The following GOLT1A variants were observed in gnomAD, a reference collection of about 807,000 sequenced individuals.
GOLT1A encodes the protein vesicle transport protein GOT1A.
GOLT1A carries 10 observed loss-of-function variants against 16.1 expected under a neutral mutation model. The ratio of observed to expected loss-of-function variants is 0.62; its 90% CI spans 0.38 to 1.05. The LOEUF (loss-of-function observed/expected upper bound fraction) is 1.05. GOLT1A is among the 50% of genes least tolerant of loss of function. The pLI, the probability that GOLT1A is intolerant of heterozygous loss-of-function variation, is 0.01. For synonymous variants in GOLT1A, 60 were observed against 67.9 expected, an observed-to-expected ratio of 0.88 and a Z score of 0.57; for missense variants, 137 against 165.7, an observed-to-expected ratio of 0.83 and a Z score of 0.95.
At chr1:204,199,126 G>C in intron 4 of GOLT1A, 69 bp downstream of exon 4, 8 of 1,367,652 alleles carry the variant, frequency 5.8e-6, no homozygotes, top group Non-Finnish European at 8.2e-6. Context: ...AGTTTTACCA[G>C]CTCCCCTCCG....
At chr1:204,213,316 T>C (rs562247476) in intron 1 of GOLT1A, among the ~76,000 whole-genome samples, 28 of 152,338 alleles carry the variant, frequency 1.8e-4, no homozygotes, top group African/African-American at 5.1e-4. Context: ...AATTCTCAGA[T>C]GAAAAACCAA....
chr1:204,210,396 C>T (rs549534013), intron 1 of GOLT1A, among the ~76,000 whole-genome samples: 101 of 152,280 alleles, frequency 6.6e-4, no homozygotes, highest in Middle Eastern at 6.8e-3. Context: ...ATTCTATTTC[C>T]ACATGTATTC....
intron 1 of GOLT1A, 59 bp downstream of exon 1, chr1:204,213,823 G>C (rs1446855467): frequency 1.3e-6 from 2 of 1,587,782 alleles, no homozygotes; most frequent in Admixed American, 3.4e-5. Context: ...GGGAGAGAGA[G>C]CCAGCCGGCA....
Position 204,198,426 on chromosome 1 carries a change from T to C in GOLT1A, c.*32A>G, listed in dbSNP as rs1658897121. ...TTCTCCCTCTAGCCCCCTCAACCAA[T>C]GATCCAAGTTCAAGGAGCTCATCTC... On this transcript the variant is annotated 3_prime_UTR_variant, in exon 5 of 5. Transcript: ENST00000308302. 2 of 1,608,632 alleles carry C rather than the reference T, an allele frequency of 1.2e-6. No individual in the cohort carries two copies. Among genetic ancestry groups the C allele is most frequent in the Non-Finnish European group, 8.5e-7 (1 of 1,175,418 alleles).
rs1465537677 is a variant in GOLT1A, at chr1:204,198,488, C to A, written c.369G>T (p.Arg123=). The change falls in exon 5 of 5, where the codon CGG becomes CGT. Residue 123 remains arginine, a synonymous_variant. Coordinates refer to ENST00000308302, the MANE Select transcript of GOLT1A (RefSeq NM_198447.2). ...CNIPFLGALF[R]RLQGTSSMV is the part of the protein sequence containing the mutation. ...CCATCGAGCTAGTGCCTTGAAGTCT[C>A]CGGAACAGCTGTGGGAGCCAAGAAT... The A allele has an allele frequency of 1.2e-6, 2 of 1,613,500 alleles. No homozygotes were observed. Among genetic ancestry groups the A allele is most frequent in the Non-Finnish European group, 1.7e-6 (2 of 1,179,750 alleles).
At chr1:204,198,978 C>T (rs1422077531) in intron 4 of GOLT1A, 5 of 575,306 alleles carry the variant, frequency 8.7e-6, no homozygotes, top group Non-Finnish European at 1.6e-5. Flanking sequence ...CACTCAGCTA[C>T]AACTGCGTCT....
chr1:204,213,078 C>G (rs1246401164), intron 1 of GOLT1A, among the ~76,000 whole-genome samples: 1 of 152,136 alleles, frequency 6.6e-6, no homozygotes, highest in African/African-American at 2.4e-5. Context: ...TATAAAATAG[C>G]GACCCCTCCT....
intron 3 of GOLT1A, among the ~76,000 whole-genome samples, chr1:204,200,898 C>A (rs1402011421): frequency 6.6e-6 from 1 of 152,188 alleles, no homozygotes; most frequent in African/African-American, 2.4e-5. Context: ...CATATGAAGT[C>A]TTCCTTCCCA....
chr1:204,201,602 T>C, intron 3 of GOLT1A, 31 bp downstream of exon 3: 2 of 1,604,838 alleles, frequency 1.2e-6, no homozygotes, highest in Non-Finnish European at 1.7e-6. Context: ...CTTTGGTGGG[T>C]CTGTCCAGGG....
intron 1 of GOLT1A, among the ~76,000 whole-genome samples, chr1:204,208,502 A>AT (rs1491494433): frequency 0.048 from 2,884 of 60,690 alleles, 360 homozygotes; most frequent in African/African-American, 0.12. Context: ...ATATATATAT[A>AT]AAAAATGAAC....
chr1:204,203,466 C>T (rs2102336534), intron 1 of GOLT1A, among the ~76,000 whole-genome samples: 1 of 152,340 alleles, frequency 6.6e-6, no homozygotes, highest in Non-Finnish European at 1.5e-5. Context: ...ACCCAGCTCT[C>T]CTGGTCCTTA....
intron 1 of GOLT1A, among the ~76,000 whole-genome samples, chr1:204,204,241 G>A (rs765267513): frequency 1.3e-5 from 2 of 152,034 alleles, no homozygotes; most frequent in Non-Finnish European, 2.9e-5. Flanking sequence ...GGTATTAAGC[G>A]CATCTCCTGA....
chr1:204,200,299 G>GTGTGTGTGTGTATATATA, intron 3 of GOLT1A, among the ~76,000 whole-genome samples: 9 of 82,674 alleles, frequency 1.1e-4, no homozygotes, highest in African/African-American at 5.0e-4. Context: ...ACATATATGT[G>GTGTGTGTGTGTATATATA]TATATATATA....
Position 204,201,709 on chromosome 1 carries a change from C to T in GOLT1A, c.220G>A (p.Gly74Ser). 1 of 1,614,104 alleles carries T rather than the reference C, an allele frequency of 6.2e-7. No homozygotes were observed. The highest frequency in any genetic ancestry group is 1.1e-5 in the South Asian group (1 of 91,082). ...CAGCGTAGGAGCACGATAACCACAC[C>T]CCCCAGGAGGAAGCTGGTTCCCTTG... ...KLKGTSFLLG[G>S]VVIVLLRWPL... Residue 74 changes from glycine (G) to serine (S), a missense_variant, in exon 3 of 5, where the codon GGT becomes AGT. Physicochemically the swap from Gly to Ser is moderately conservative, Grantham distance 56. Coordinates refer to ENST00000308302, the MANE Select transcript of GOLT1A (RefSeq NM_198447.2).
chr1:204,212,194 A>G (rs1483438749), intron 1 of GOLT1A, among the ~76,000 whole-genome samples: 2 of 152,214 alleles, frequency 1.3e-5, no homozygotes, highest in Middle Eastern at 6.8e-3. Flanking sequence ...TAAAAAATAT[A>G]CAAGGCATTC....
In GOLT1A at chr1:204,213,961, C is replaced by T. The variant is rs1298098144; in HGVS notation, c.-55G>A. 9.4e-6 allele frequency: 15 copies of T among 1,594,742 alleles called. No individual in the cohort carries two copies. Among genetic ancestry groups the T allele is most frequent in the Non-Finnish European group, 1.3e-5 (15 of 1,168,714 alleles). ...TGGAAGCGGGCAAGTGGAGCGTGGCCCAGAGGACGCAGCTGGTACATGGTC... is the reference window on the plus strand; with the variant it reads ...TGGAAGCGGGCAAGTGGAGCGTGGCTCAGAGGACGCAGCTGGTACATGGTC... On this transcript the variant is annotated 5_prime_UTR_variant, in exon 1 of 5. Coordinates refer to ENST00000308302, the MANE Select transcript of GOLT1A (RefSeq NM_198447.2).
intron 1 of GOLT1A, among the ~76,000 whole-genome samples, chr1:204,207,545 C>T (rs1659061079): frequency 6.6e-6 from 1 of 152,222 alleles, no homozygotes; most frequent in East Asian, 1.9e-4. Context: ...TTTTGTGGCT[C>T]ACTTTAAGAA....
chr1:204,201,977 G>T (rs1213720848), intron 2 of GOLT1A, among the ~76,000 whole-genome samples, 166 bp from the exon 3 acceptor site: 1 of 152,156 alleles, frequency 6.6e-6, no homozygotes, highest in Admixed American at 6.5e-5. Context: ...GCCTTGATAA[G>T]TCTTGCTGGC....
rs772893345 is a variant in GOLT1A at position 204,201,722 on chromosome 1, G to A, written c.207C>T (p.Ser69=). 11 of 1,614,086 alleles carry A rather than the reference G, an allele frequency of 6.8e-6. No homozygotes were observed. The African/African-American group carries it at 8.0e-5, about 12-fold the overall frequency. The part of the protein sequence containing the change: ...FFQRHKLKGT[S]FLLGGVVIVL... ...CGATAACCACACCCCCCAGGAGGAA[G>A]CTGGTTCCCTTGAGTTTGTGCCGTT... is the stretch of plus-strand genomic sequence containing the variant. Residue 69 remains serine (S), a synonymous_variant, in exon 3 of 5, where the codon AGC becomes AGT. Transcript: ENST00000308302.
Sources: allele counts gnomAD v4.1 joint callset (sites outside exome capture counted in the v4.1 genomes callset), GRCh38; gene constraint gnomAD v4.1.1; transcripts MANE v1.5; gene names NCBI Gene and HGNC (gene_info 2026-07-23, HGNC 2026-07-21).